The following RORA variants were observed in gnomAD, a reference collection of about 807,000 sequenced individuals.
The protein encoded by RORA is nuclear receptor ROR-alpha.
A neutral mutation model predicts 69.5 loss-of-function variants in RORA; 7 were observed. The ratio of observed to expected loss-of-function variants is 0.10; its 90% confidence interval spans 0.06 to 0.19. The LOEUF is 0.19. RORA is among the 10% of genes least tolerant of loss of function. RORA has a pLI of 1.00. For synonymous variants in RORA, 261 were observed against 240.8 expected (o/e 1.08, Z -0.78); for missense variants, 457 against 663.0 (o/e 0.69, Z 3.41).
At chr15:61,196,526 C>A (rs533746346) in intron 1 of RORA, among the ~76,000 whole-genome samples, 1 of 152,340 alleles carries the variant, frequency 6.6e-6, no homozygotes, top group African/African-American at 2.4e-5. Context: ...GCTGCACAAG[C>A]AGCACTTGCG....
intron 1 of RORA, among the ~76,000 whole-genome samples, chr15:60,872,240 A>T (rs1426150398): frequency 6.6e-6 from 1 of 152,176 alleles, no homozygotes; most frequent in East Asian, 1.9e-4. Context: ...CATCTGTGAG[A>T]TGCTCTGCAT....
In RORA at chr15:60,491,887, T is replaced by A. The variant is rs1456802757; in HGVS notation, c.*5568A>T. ...TAGAATGAAGACCTGTATCATAGAC[T>A]CTTACCAATAGATCAAGATTTACTG... is the stretch of plus-strand genomic sequence containing the variant. On this transcript the variant is annotated 3_prime_UTR_variant, in exon 11 of 11. Coordinates refer to ENST00000335670, the MANE Select transcript of RORA (RefSeq NM_134261.3). 2 of 152,180 alleles carry A rather than the reference T, an allele frequency of 1.3e-5. No homozygotes were observed. The highest frequency in any genetic ancestry group is 2.9e-5 in the Non-Finnish European group (2 of 68,028). 9.4% of individuals were successfully genotyped at this position (152,180 alleles called of 1,614,324 possible). A position where few individuals can be genotyped will look rare whatever the true frequency, so the allele number is the denominator to read the frequency against.
At chr15:60,682,131 C>A (rs2070652061) in intron 1 of RORA, 1 of 152,148 alleles carries the variant, frequency 6.6e-6, no homozygotes, top group Admixed American at 6.6e-5. Flanking sequence ...TGTATACAAT[C>A]ATGATGACAC....
chr15:60,591,725 C>G (rs1162791289), intron 2 of RORA, among the ~76,000 whole-genome samples: 1 of 152,140 alleles, frequency 6.6e-6, no homozygotes, highest in Non-Finnish European at 1.5e-5. Context: ...CCCTGGGCCG[C>G]CCAGAGCGTC....
At chr15:60,524,764 C>T (rs899349118) in intron 3 of RORA, among the ~76,000 whole-genome samples, 4 of 152,174 alleles carry the variant, frequency 2.6e-5, no homozygotes, top group South Asian at 2.1e-4. Flanking sequence ...ACAGTGGTGA[C>T]GATATGCTGA....
intron 1 of RORA, among the ~76,000 whole-genome samples, chr15:60,705,577 A>G (rs1047019594): frequency 1.3e-5 from 2 of 152,204 alleles, no homozygotes; most frequent in African/African-American, 4.8e-5. Flanking sequence ...AGACAAGGCC[A>G]TTTTCTAAAA....
chr15:60,689,222 A>C (rs567338240), intron 1 of RORA, among the ~76,000 whole-genome samples: 1 of 152,316 alleles, frequency 6.6e-6, no homozygotes, highest in South Asian at 2.1e-4. Context: ...GCAAAGCTGA[A>C]AGTGGTCAGC....
At chr15:61,135,332 AAAT>A (rs1192932136) in intron 1 of RORA, among the ~76,000 whole-genome samples, 1 of 151,890 alleles carries the variant, frequency 6.6e-6, no homozygotes. Flanking sequence ...CTCTGTCTCA[AAAT>A]AATAATAATA....
chr15:61,102,485 C>A (rs2078893890), intron 1 of RORA, among the ~76,000 whole-genome samples: 1 of 152,198 alleles, frequency 6.6e-6, no homozygotes, highest in African/African-American at 2.4e-5. Context: ...CGTTTTTGCT[C>A]TGTATTCCCT....
At chr15:60,600,281 A>G (rs539819643) in intron 2 of RORA, among the ~76,000 whole-genome samples, 4 of 152,378 alleles carry the variant, frequency 2.6e-5, no homozygotes, top group African/African-American at 9.6e-5. Context: ...GGAGCGTTCC[A>G]GGAGCAAATG....
chr15:61,156,449 A>G (rs940767597), intron 1 of RORA, among the ~76,000 whole-genome samples: 2 of 152,100 alleles, frequency 1.3e-5, no homozygotes, highest in Admixed American at 1.3e-4. Context: ...TGAGTCATAA[A>G]ATAGCTCCTG....
At chr15:60,837,105 C>T (rs1031286116) in intron 1 of RORA, among the ~76,000 whole-genome samples, 13 of 150,588 alleles carry the variant, frequency 8.6e-5, no homozygotes, top group Admixed American at 8.0e-4. Context: ...CTCCTGGGCT[C>T]AAGAGATCCT....
At chr15:61,062,793 T>A (rs1356712380) in intron 1 of RORA, among the ~76,000 whole-genome samples, 4 of 152,118 alleles carry the variant, frequency 2.6e-5, no homozygotes, top group African/African-American at 9.7e-5. Flanking sequence ...GCAGTCTCCA[T>A]CCCCGAGTGA....
At chr15:61,169,192 T>C (rs1225311815) in intron 1 of RORA, among the ~76,000 whole-genome samples, 1 of 151,656 alleles carries the variant, frequency 6.6e-6, no homozygotes, top group African/African-American at 2.4e-5. Context: ...TCTGTGGAAC[T>C]GAATGGGGAA....
At chr15:61,152,464 T>C (rs1048955185) in intron 1 of RORA, among the ~76,000 whole-genome samples, 1 of 109,736 alleles carries the variant, frequency 9.1e-6, no homozygotes, top group African/African-American at 2.8e-5. Flanking sequence ...ATATTTATAT[T>C]TAAATGTTAC....
At chr15:60,788,440 T>C (rs932343314) in intron 1 of RORA, among the ~76,000 whole-genome samples, 9 of 152,146 alleles carry the variant, frequency 5.9e-5, no homozygotes, top group African/African-American at 1.9e-4. Context: ...AGTTAAGGGT[T>C]CCAAACTCCC....
At chr15:60,521,998 T>C (rs888562179) in intron 3 of RORA, among the ~76,000 whole-genome samples, 2 of 152,230 alleles carry the variant, frequency 1.3e-5, no homozygotes, top group African/African-American at 4.8e-5. Flanking sequence ...CTATGAATTT[T>C]TCACTGATCC....
At chr15:61,086,990 C>T (rs971499796) in intron 1 of RORA, among the ~76,000 whole-genome samples, 1 of 152,084 alleles carries the variant, frequency 6.6e-6, no homozygotes, top group Non-Finnish European at 1.5e-5. Flanking sequence ...TTGGGCAACA[C>T]AGCAAGTCCC....
intron 2 of RORA, among the ~76,000 whole-genome samples, chr15:60,632,196 C>G (rs935121505): frequency 3.3e-5 from 5 of 151,934 alleles, no homozygotes; most frequent in East Asian, 3.9e-4. Flanking sequence ...AGCTCCACCT[C>G]CCGGATTCAC....
Sources: gnomAD v4.1 joint callset for allele counts (sites outside exome capture counted in the v4.1 genomes callset) on GRCh38, gnomAD v4.1.1 for gene constraint, MANE v1.5 for transcripts, NCBI Gene and HGNC (gene_info 2026-07-23, HGNC 2026-07-21) for gene names.